The following TTC28 variants were observed in gnomAD, a reference collection of about 807,000 sequenced individuals.
The protein encoded by TTC28 is tetratricopeptide repeat domain 28, also known as tetratricopeptide repeat protein 28.
A neutral mutation model predicts 198.0 loss-of-function variants in TTC28; 61 were observed. The observed-to-expected ratio is 0.31, with a 90% confidence interval of 0.25 to 0.38. The LOEUF (loss-of-function observed/expected upper bound fraction) is 0.38. TTC28 is among the 10% of genes least tolerant of loss of function. The pLI is 1.00. For missense variants in TTC28, 2,678 were observed against 3,164.0 expected, an observed-to-expected ratio of 0.85 and a Z score of 3.69; for synonymous variants, 1,171 against 1,297.8, an observed-to-expected ratio of 0.90 and a Z score of 2.10.
At chr22:28,536,840 C>G (rs1172041324) in intron 2 of TTC28, among the ~76,000 whole-genome samples, 1 of 151,934 alleles carries the variant, frequency 6.6e-6, no homozygotes, top group Non-Finnish European at 1.5e-5. Context: ...ACATGTAACA[C>G]TGGGAAGATA....
intron 1 of TTC28, among the ~76,000 whole-genome samples, chr22:28,670,633 A>C (rs1293153862): frequency 6.6e-6 from 1 of 151,072 alleles, no homozygotes; most frequent in Non-Finnish European, 1.5e-5. Context: ...TGGCTTTTAT[A>C]AATAATATAG....
chr22:28,078,941 C>A (rs551911011), intron 12 of TTC28, among the ~76,000 whole-genome samples: 1 of 152,216 alleles, frequency 6.6e-6, no homozygotes, highest in East Asian at 1.9e-4. Context: ...GGTGGGAAAG[C>A]CCTTGGTGTA....
chr22:28,473,629 A>G (rs1277435857), intron 2 of TTC28, among the ~76,000 whole-genome samples: 1 of 152,176 alleles, frequency 6.6e-6, no homozygotes. Flanking sequence ...AACACTGCCT[A>G]TGGGGTACCT....
At chr22:28,060,666 C>T (rs545778651) in intron 12 of TTC28, among the ~76,000 whole-genome samples, 11 of 152,320 alleles carry the variant, frequency 7.2e-5, no homozygotes, top group African/African-American at 2.4e-4. Flanking sequence ...CTTGAGGAAT[C>T]GCCACACTGT....
chr22:28,635,784 C>A (rs928049324), intron 1 of TTC28, among the ~76,000 whole-genome samples: 1 of 152,052 alleles, frequency 6.6e-6, no homozygotes. Context: ...ATATCCATCA[C>A]CTCACAGAGC....
At chr22:28,564,861 T>A in intron 2 of TTC28, among the ~76,000 whole-genome samples, 1 of 147,650 alleles carries the variant, frequency 6.8e-6, no homozygotes, top group Admixed American at 6.8e-5. Context: ...TATATATATT[T>A]TATATATAAA....
chr22:27,990,484 A>G (rs1398697159), intron 20 of TTC28, among the ~76,000 whole-genome samples: 1 of 152,168 alleles, frequency 6.6e-6, no homozygotes, highest in Non-Finnish European at 1.5e-5. Context: ...GCCTCTCCTC[A>G]GGGGTCTGTG....
intron 2 of TTC28, among the ~76,000 whole-genome samples, chr22:28,307,230 A>T (rs1470408305): frequency 6.6e-6 from 1 of 152,180 alleles, no homozygotes; most frequent in Non-Finnish European, 1.5e-5. Context: ...AAAAAAGGTT[A>T]TTATCCTTTG....
chr22:28,254,922 T>A (rs552919693), intron 5 of TTC28, among the ~76,000 whole-genome samples: 5 of 152,294 alleles, frequency 3.3e-5, no homozygotes, highest in African/African-American at 1.2e-4. Context: ...AGAAACCTTG[T>A]CATCTGCCTT....
At chr22:28,228,597 G>A (rs1928535840) in intron 5 of TTC28, among the ~76,000 whole-genome samples, 1 of 152,044 alleles carries the variant, frequency 6.6e-6, no homozygotes, top group Non-Finnish European at 1.5e-5. Flanking sequence ...CTACCCAGGA[G>A]GCTGAGGCAG....
In TTC28 at chr22:27,989,969, C is replaced by T; in HGVS notation, c.5616G>A (p.Lys1872=). 6.4e-7 allele frequency: 1 copy of T among 1,551,218 alleles called. No individual in the cohort carries two copies. The highest frequency in any genetic ancestry group is 8.7e-7 in the Non-Finnish European group (1 of 1,146,900). Residue 1872 remains lysine, a synonymous_variant, in exon 21 of 23, where the codon AAG becomes AAA. Transcript: ENST00000397906. ...TGGGAGCTGATGCCAAGTCCTGCTC[C>T]TTCTCGCCAGCCTGGAGCTGAACCA... ...QVLVQLQAGE[K]EQDLASAPIQ...
intron 2 of TTC28, among the ~76,000 whole-genome samples, chr22:28,586,408 C>T (rs1349531250): frequency 6.6e-6 from 1 of 151,310 alleles, no homozygotes; most frequent in Non-Finnish European, 1.5e-5. Context: ...TAAAAAGAAT[C>T]TATAGAAAGA....
intron 2 of TTC28, among the ~76,000 whole-genome samples, chr22:28,389,938 G>C (rs1366500164): frequency 6.6e-5 from 10 of 151,614 alleles, no homozygotes; most frequent in South Asian, 2.1e-4. Context: ...TGATGTTAGG[G>C]TGTCAATTTT....
intron 10 of TTC28, among the ~76,000 whole-genome samples, chr22:28,096,884 A>T (rs1265195405): frequency 2.0e-5 from 3 of 151,338 alleles, no homozygotes; most frequent in African/African-American, 7.3e-5. Context: ...AGTTCACTGC[A>T]ATCTCCGCCC....
chr22:28,067,337 A>T (rs1366526081), intron 12 of TTC28, among the ~76,000 whole-genome samples: 1 of 152,226 alleles, frequency 6.6e-6, no homozygotes, highest in African/African-American at 2.4e-5. Flanking sequence ...GCAGAGGCCC[A>T]GGCATGTAGT....
intron 1 of TTC28, among the ~76,000 whole-genome samples, chr22:28,635,176 C>T (rs375242513): frequency 1.3e-5 from 2 of 151,950 alleles, no homozygotes; most frequent in Admixed American, 6.6e-5. Flanking sequence ...AAAAAATTAG[C>T]CAGGCATGGT....
chr22:28,352,330 T>TAC (rs2046010812), intron 2 of TTC28, among the ~76,000 whole-genome samples: 1 of 150,600 alleles, frequency 6.6e-6, no homozygotes, highest in Non-Finnish European at 1.5e-5. Context: ...TATATATATA[T>TAC]ATATATCTCC....
chr22:28,515,335 TCTC>T (rs1320516724), intron 2 of TTC28, among the ~76,000 whole-genome samples: 2 of 152,184 alleles, frequency 1.3e-5, no homozygotes, highest in Non-Finnish European at 2.9e-5. Context: ...TATTAAAGGC[TCTC>T]CTCAATTATT....
In TTC28 at chr22:28,108,109, T is replaced by C. The variant is rs777336442; in HGVS notation, c.1736A>G (p.Asn579Ser). 6 of 1,551,570 alleles carry C rather than the reference T, an allele frequency of 3.9e-6. No individual in the cohort carries two copies. The African/African-American group carries it at 6.8e-5, about 18-fold the overall frequency. ...TAGCTCCCGGGCGATGTTCAAGTGG[T>C]TCTGATAGTGTTGCAGGGCCCGGTC... The part of the protein sequence containing the change: ...AHDRALQHYQ[N>S]HLNIARELRD... The change falls in exon 7 of 23, where the codon AAC (asparagine) becomes AGC (serine). Residue 579 changes from asparagine (N) to serine (S), a missense_variant. By Grantham distance (46) the Asn-to-Ser change is conservative. Around this residue, in one of 8 missense-constraint regions of TTC28, gnomAD observed 775 missense variants for 845.9 expected, o/e 0.92. Transcript: ENST00000397906.
Sources: gnomAD v4.1 joint callset for allele counts (sites outside exome capture counted in the v4.1 genomes callset) on GRCh38, gnomAD v4.1.1 for gene constraint, gnomAD v4.1.1 regional missense constraint, MANE v1.5 for transcripts, NCBI Gene and HGNC (gene_info 2026-07-23, HGNC 2026-07-21) for gene names.